The following PSD3 variants were observed in gnomAD, a reference collection of about 807,000 sequenced individuals.
PSD3 encodes the protein pleckstrin and Sec7 domain containing 3.
PSD3 carries 49 observed loss-of-function variants against 105.5 expected under a neutral mutation model. The observed-to-expected ratio is 0.46, with a 90% confidence interval of 0.37 to 0.59. The LOEUF (loss-of-function observed/expected upper bound fraction) is 0.59, where lower values mean the gene tolerates loss of function less well. PSD3 is among the 20% of genes least tolerant of loss of function. PSD3 has a pLI of 0.00. For missense variants in PSD3, 1,561 were observed against 1,263.8 expected (o/e 1.24, Z -3.57); for synonymous variants, 557 against 457.8 (o/e 1.22, Z -2.77).
chr8:18,900,787 G>A (rs901734033), intron 2 of PSD3, among the ~76,000 whole-genome samples: 1 of 151,686 alleles, frequency 6.6e-6, no homozygotes, highest in African/African-American at 2.4e-5. Flanking sequence ...CTACAGGTGT[G>A]CACCAACATG....
intron 9 of PSD3, among the ~76,000 whole-genome samples, chr8:18,742,342 C>T (rs539566485): frequency 1.3e-5 from 2 of 152,192 alleles, no homozygotes; most frequent in South Asian, 2.1e-4. Flanking sequence ...AAATTTGCTA[C>T]GTAACCTGTA....
chr8:18,550,828 T>A (rs1275888963), intron 15 of PSD3, among the ~76,000 whole-genome samples: 1 of 152,230 alleles, frequency 6.6e-6, no homozygotes, highest in Non-Finnish European at 1.5e-5. Context: ...TCAATAATTC[T>A]ATTAACCTAC....
chr8:18,813,126 G>C (rs1811844346), intron 4 of PSD3, among the ~76,000 whole-genome samples: 1 of 152,186 alleles, frequency 6.6e-6, no homozygotes, highest in Non-Finnish European at 1.5e-5. Flanking sequence ...AAGGTAAAAT[G>C]GAAGAACGGG....
At chr8:18,776,070 C>A (rs1050499780) in intron 8 of PSD3, among the ~76,000 whole-genome samples, 1 of 151,884 alleles carries the variant, frequency 6.6e-6, no homozygotes, top group Admixed American at 6.6e-5. Context: ...ATAAGCATAT[C>A]CAGTTTTCTG....
Position 18,867,782 on chromosome 8 carries a change from GC to G in PSD3, c.1525del (p.Ala509GlnfsTer6). 1 of 1,614,132 alleles carries G rather than the reference GC, an allele frequency of 6.2e-7. No individual in the cohort carries two copies. Among genetic ancestry groups the G allele is most frequent in the Non-Finnish European group, 8.5e-7 (1 of 1,180,020 alleles). Reference protein sequence around the residue: ...GGHQDILSVSADGGIVMGYSS... With the variant: ...GGHQDILSVSXDGGIVMGYSS... ...ATAGCCCATCACGATGCCACCATCT[GC>G]AGACACACTCAGGATATCCTGATGT... On this transcript the variant is annotated frameshift_variant, in exon 4 of 16. Coordinates refer to ENST00000327040, the MANE Select transcript of PSD3 (RefSeq NM_015310.4). LOFTEE classifies it high-confidence loss of function.
At chr8:19,010,017 G>T (rs1416007274) in intron 1 of PSD3, among the ~76,000 whole-genome samples, 2 of 152,178 alleles carry the variant, frequency 1.3e-5, no homozygotes, top group Non-Finnish European at 2.9e-5. Flanking sequence ...AATTTTCCCA[G>T]TTATCCTAAA....
At position 18,871,663 on chromosome 8, in the gene PSD3, G is replaced by T; in HGVS notation, c.1201C>A (p.Leu401Ile). The T allele has an allele frequency of 6.2e-7, 1 of 1,612,840 alleles. No individual in the cohort carries two copies. The highest frequency in any genetic ancestry group is 8.5e-7 in the Non-Finnish European group (1 of 1,179,438). The change falls in exon 3 of 16, where the codon CTT becomes ATT. Residue 401 changes from leucine to isoleucine, a missense_variant. By Grantham distance (5) the Leu-to-Ile change is conservative. Coordinates refer to ENST00000327040, the MANE Select transcript of PSD3 (RefSeq NM_015310.4). ...EVFLQENKQH[L>I]EKTPKPERDR... ...CTCTCTGGTTTAGGTGTCTTCTCAA[G>T]ATGCTGTTTGTTTTCCTGTAGGAAG...
In PSD3 at chr8:18,809,013, C is replaced by T; in HGVS notation, c.1635-4115G>A. 4 of 1,102,650 alleles carry T rather than the reference C, an allele frequency of 3.6e-6. 1 individual carries two copies. Among genetic ancestry groups the T allele is most frequent in the South Asian group, 4.0e-5 (2 of 50,262 alleles). The allele number at this position is 1,102,650 out of a possible 1,614,324, so 68.3% of individuals were successfully genotyped here. A position where few individuals can be genotyped will look rare whatever the true frequency, so the allele number is the denominator to read the frequency against. ...AACAGCAGCCAGAACACAAGGGCCA[C>T]TGTCTATCGAGAACGTAAGAAACAG... On this transcript the variant is annotated intron_variant, in intron 4 of 15. Coordinates refer to ENST00000327040, the MANE Select transcript of PSD3 (RefSeq NM_015310.4).
chr8:18,955,389 C>T (rs868214785), intron 1 of PSD3, among the ~76,000 whole-genome samples: 1 of 152,144 alleles, frequency 6.6e-6, no homozygotes, highest in Non-Finnish European at 1.5e-5. Context: ...TATAGGCACA[C>T]CACAGGGCCT....
At chr8:18,955,116 G>A (rs1009131204) in intron 1 of PSD3, among the ~76,000 whole-genome samples, 19 of 152,224 alleles carry the variant, frequency 1.2e-4, no homozygotes, top group Non-Finnish European at 1.5e-5. Flanking sequence ...TGTTGTGGCT[G>A]CTTGAGGGCC....
intron 4 of PSD3, among the ~76,000 whole-genome samples, chr8:18,841,884 T>A (rs1188654013): frequency 2.6e-5 from 4 of 151,962 alleles, no homozygotes; most frequent in African/African-American, 9.7e-5. Flanking sequence ...TTAAAGACTT[T>A]AAAAAAAACT....
In PSD3 at chr8:18,873,233, C is replaced by G. The variant is rs184340374; in HGVS notation, c.131-500G>C. ...TTTAAACTCAGTCAATATGTTTTTT[C>G]TGCCAGAAGTCTCCCCTTCATTGTT... is the stretch of plus-strand genomic sequence containing the variant. On this transcript the variant is annotated intron_variant, in intron 2 of 15. Transcript: ENST00000327040. 2.0e-3 allele frequency among the ~76,000 whole-genome samples: 311 copies of G among 152,240 alleles called. 2 individuals carry two copies. The highest frequency in any genetic ancestry group is 0.018 in the South Asian group (85 of 4,820).
chr8:18,552,693 G>A (rs1800840475), intron 15 of PSD3, among the ~76,000 whole-genome samples: 1 of 152,136 alleles, frequency 6.6e-6, no homozygotes, highest in African/African-American at 2.4e-5. Context: ...AGGAAATGTG[G>A]CTATTTCTGA....
chr8:18,814,441 G>C (rs922904752), intron 4 of PSD3, among the ~76,000 whole-genome samples: 2 of 152,162 alleles, frequency 1.3e-5, no homozygotes, highest in Non-Finnish European at 2.9e-5. Flanking sequence ...CACCCATGTA[G>C]GGGTTCAAAC....
intron 2 of PSD3, among the ~76,000 whole-genome samples, chr8:18,874,541 T>C (rs1051359076): frequency 5.9e-5 from 9 of 151,750 alleles, no homozygotes; most frequent in African/African-American, 1.5e-4. Context: ...TCTGTGTATA[T>C]ATATACACTG....
chr8:19,016,776 G>T (rs1446108708), upstream of PSD3, among the ~76,000 whole-genome samples: 1 of 152,182 alleles, frequency 6.6e-6, no homozygotes, highest in East Asian at 1.9e-4. Context: ...GGTGAGGGTG[G>T]TTCCATGGTG....
rs1563457596 is a variant in PSD3 at position 18,953,241 on chromosome 8, T to C, written c.22-17099A>G. ...AAAGGCTATGAGGAAACTGATAAAC[T>C]CCTGGTTGGGGTATAAATTAATGGT... On this transcript the variant is annotated intron_variant, in intron 1 of 15. Transcript: ENST00000327040. Among the ~76,000 whole-genome samples, 5 of 152,268 alleles carry C rather than the reference T, an allele frequency of 3.3e-5. No individual in the cohort carries two copies. The South Asian group carries it at 1.0e-3, about 32-fold the overall frequency.
chr8:18,603,016 A>G (rs1240992826), intron 11 of PSD3, among the ~76,000 whole-genome samples: 1 of 152,200 alleles, frequency 6.6e-6, no homozygotes, highest in Non-Finnish European at 1.5e-5. Flanking sequence ...CTGACAGGAA[A>G]CCTAATGCAG....
intron 14 of PSD3, among the ~76,000 whole-genome samples, chr8:18,570,612 A>C (rs537743557): frequency 6.2e-5 from 9 of 146,234 alleles, no homozygotes; most frequent in South Asian, 4.4e-4. Flanking sequence ...CAATGAATTC[A>C]AACAAATTTA....
Sources: gnomAD v4.1 joint callset for allele counts (sites outside exome capture counted in the v4.1 genomes callset) on GRCh38, gnomAD v4.1.1 for gene constraint, MANE v1.5 for transcripts, NCBI Gene and HGNC (gene_info 2026-07-23, HGNC 2026-07-21) for gene names.